PABPC4L: variants seen among roughly 807,000 people sequenced by gnomAD.
PABPC4L encodes the protein poly(A) binding protein cytoplasmic 4 like.
For synonymous variants in PABPC4L, 169 were observed against 164.1 expected (o/e 1.03, Z -0.23); for missense variants, 452 against 451.4 (o/e 1.00, Z -0.01).
chr4:134,068,674 C>G, the PABPC4L span, among the ~76,000 whole-genome samples: 1 of 150,920 alleles, frequency 6.6e-6, no homozygotes, highest in Non-Finnish European at 1.5e-5. Context: ...TTCCATATTT[C>G]TATATTTAGC....
At chr4:134,081,264 C>A in the PABPC4L span, among the ~76,000 whole-genome samples, 1 of 152,040 alleles carries the variant, frequency 6.6e-6, no homozygotes. Context: ...TCCAGCCAAA[C>A]CTGTGGCTGG....
At chr4:133,956,489 T>C in the PABPC4L span, among the ~76,000 whole-genome samples, 6 of 152,112 alleles carry the variant, frequency 3.9e-5, no homozygotes, top group Non-Finnish European at 5.9e-5. Context: ...TACCCCCAAA[T>C]ATGGTACCTT....
the PABPC4L span, among the ~76,000 whole-genome samples, chr4:134,171,426 G>T: frequency 0.022 from 3,412 of 152,158 alleles, 128 homozygotes; most frequent in African/African-American, 0.077. Flanking sequence ...ATGCATTACT[G>T]TGAAAAGTGA....
the PABPC4L span, among the ~76,000 whole-genome samples, chr4:134,079,596 A>C: frequency 3.6e-5 from 3 of 84,430 alleles, no homozygotes; most frequent in East Asian, 2.6e-3. Flanking sequence ...AAAAAAAAAA[A>C]AAAAAAAAAA....
chr4:134,194,455 G>T (rs1729600497), downstream of PABPC4L, among the ~76,000 whole-genome samples: 2 of 151,484 alleles, frequency 1.3e-5, no homozygotes, highest in Non-Finnish European at 3.0e-5. Flanking sequence ...TTTGCTTAAC[G>T]TTTGAATATG....
the PABPC4L span, among the ~76,000 whole-genome samples, chr4:134,016,131 C>T: frequency 1.3e-5 from 2 of 152,228 alleles, no homozygotes; most frequent in Non-Finnish European, 2.9e-5. Context: ...CAGGCCTAAT[C>T]GCCACTCACC....
At chr4:134,083,131 AT>A in the PABPC4L span, among the ~76,000 whole-genome samples, 1 of 152,136 alleles carries the variant, frequency 6.6e-6, no homozygotes, top group Admixed American at 6.6e-5. Context: ...AGAACCTACT[AT>A]TTGAAGAAAA....
the PABPC4L span, among the ~76,000 whole-genome samples, chr4:133,984,118 A>G: frequency 5.3e-4 from 81 of 151,996 alleles, no homozygotes; most frequent in African/African-American, 1.8e-3. Flanking sequence ...AATTGCACCA[A>G]CAAACACATG....
chr4:133,953,496 C>T, the PABPC4L span, among the ~76,000 whole-genome samples: 1 of 152,126 alleles, frequency 6.6e-6, no homozygotes, highest in African/African-American at 2.4e-5. Context: ...AAAGATCTTG[C>T]CCTACTGGGT....
At chr4:134,028,688 A>G in the PABPC4L span, among the ~76,000 whole-genome samples, 1 of 152,190 alleles carries the variant, frequency 6.6e-6, no homozygotes, top group Non-Finnish European at 1.5e-5. Flanking sequence ...GAACAATGTT[A>G]GCATGAGAAT....
the PABPC4L span, among the ~76,000 whole-genome samples, chr4:134,159,760 C>T: frequency 6.6e-6 from 1 of 152,082 alleles, no homozygotes; most frequent in Non-Finnish European, 1.5e-5. Flanking sequence ...ATTTTGGAGA[C>T]AGTGGATATG....
chr4:133,956,912 C>G, the PABPC4L span, among the ~76,000 whole-genome samples: 4 of 152,234 alleles, frequency 2.6e-5, no homozygotes, highest in South Asian at 6.2e-4. Flanking sequence ...GTAACCACCC[C>G]TATGATTCAA....
the PABPC4L span, among the ~76,000 whole-genome samples, chr4:134,188,694 T>G: frequency 5.3e-5 from 8 of 152,084 alleles, no homozygotes; most frequent in African/African-American, 1.7e-4. Context: ...CATCTATAGA[T>G]AAGGTGTCTT....
chr4:134,172,883 T>C, the PABPC4L span, among the ~76,000 whole-genome samples: 1 of 151,652 alleles, frequency 6.6e-6, no homozygotes, highest in Non-Finnish European at 1.5e-5. Flanking sequence ...CAAATTATAG[T>C]ACAAAAATGG....
chr4:134,184,905 T>A, the PABPC4L span, among the ~76,000 whole-genome samples: 2 of 112,536 alleles, frequency 1.8e-5, no homozygotes, highest in Non-Finnish European at 3.3e-5. Flanking sequence ...GTAATGATAC[T>A]GCACTGTTAT....
chr4:134,101,794 A>G, the PABPC4L span, among the ~76,000 whole-genome samples: 1 of 151,472 alleles, frequency 6.6e-6, no homozygotes. Flanking sequence ...AGACAAGGCC[A>G]TACATCCTGT....
the PABPC4L span, among the ~76,000 whole-genome samples, chr4:134,179,825 CA>C: frequency 2.1e-3 from 322 of 152,140 alleles, 1 homozygote; most frequent in African/African-American, 7.3e-3. Context: ...CTTGATTCAA[CA>C]AGAGGACTTA....
chr4:134,028,412 T>G, the PABPC4L span, among the ~76,000 whole-genome samples: 6 of 147,622 alleles, frequency 4.1e-5, no homozygotes, highest in African/African-American at 1.3e-4. Context: ...TCTCCAAAAG[T>G]CCATGGGCTT....
the PABPC4L span, among the ~76,000 whole-genome samples, chr4:133,961,786 C>T: frequency 1.1e-4 from 16 of 152,288 alleles, no homozygotes; most frequent in South Asian, 2.3e-3. Context: ...GCAGGGTGTC[C>T]GCTGCACTTG....
Sources: allele counts gnomAD v4.1 joint callset (sites outside exome capture counted in the v4.1 genomes callset), GRCh38; gene constraint gnomAD v4.1.1; transcripts MANE v1.5; gene names NCBI Gene and HGNC (gene_info 2026-07-23, HGNC 2026-07-21).